GTF2H1: variants seen among roughly 807,000 people sequenced by gnomAD.
The protein encoded by GTF2H1 is BTF2 p62.
GTF2H1 carries 16 observed loss-of-function variants against 71.2 expected under a neutral mutation model. That is an observed-to-expected ratio of 0.22 (90% CI 0.15 to 0.34). GTF2H1 has a LOEUF of 0.34. Ranked by LOEUF, GTF2H1 falls within the 10% of genes least tolerant of loss-of-function variation. GTF2H1 has a pLI of 1.00. For synonymous variants in GTF2H1, 215 were observed against 219.0 expected (o/e 0.98, Z 0.16); for missense variants, 498 against 648.2 (o/e 0.77, Z 2.52).
At chr11:18,346,733 CT>C (rs35494754) in intron 7 of GTF2H1, among the ~76,000 whole-genome samples, 62 of 85,222 alleles carry the variant, frequency 7.3e-4, no homozygotes, top group African/African-American at 2.0e-3. Flanking sequence ...TTTTTATTTA[CT>C]TTTTTTTTTT....
intron 11 of GTF2H1, among the ~76,000 whole-genome samples, chr11:18,354,495 A>G (rs901322975): frequency 4.6e-5 from 7 of 151,330 alleles, no homozygotes; most frequent in Non-Finnish European, 3.0e-5. Flanking sequence ...GCAGTGGCAC[A>G]GTCATAGCTC....
intron 2 of GTF2H1, among the ~76,000 whole-genome samples, chr11:18,333,905 T>C (rs1864960885): frequency 6.6e-6 from 1 of 152,204 alleles, no homozygotes; most frequent in African/African-American, 2.4e-5. Flanking sequence ...TTGAGAAGAC[T>C]CAACCTTATA....
At position 18,351,152 on chromosome 11, in the gene GTF2H1, G is replaced by A. The variant is rs562207274; in HGVS notation, c.1054-729G>A. 3.0e-4 allele frequency among the ~76,000 whole-genome samples: 46 copies of A among 152,262 alleles called. No individual in the cohort carries two copies. In the South Asian group the frequency reaches 9.3e-3, roughly 31 times the overall value. ...AAGCAAAAATTAAGCCGGAAGCTGA[G>A]CATGGTAGCATGTGTCTGTAATCTC... On this transcript the variant is annotated intron_variant, in intron 9 of 14. Coordinates refer to ENST00000265963, the MANE Select transcript of GTF2H1 (RefSeq NM_005316.4).
At chr11:18,324,909 C>T (rs1181637528) in intron 1 of GTF2H1, among the ~76,000 whole-genome samples, 1 of 152,214 alleles carries the variant, frequency 6.6e-6, no homozygotes, top group Admixed American at 6.5e-5. Flanking sequence ...AGTGCTCAGT[C>T]CTAAAATTGC....
intron 9 of GTF2H1, among the ~76,000 whole-genome samples, chr11:18,349,698 AAG>A (rs1454939726): frequency 6.6e-6 from 1 of 151,688 alleles, no homozygotes; most frequent in African/African-American, 2.4e-5. Flanking sequence ...AAAAATAAAA[AAG>A]AAATTTATTT....
intron 13 of GTF2H1, 72 bp downstream of exon 13, chr11:18,358,712 T>TA: frequency 1.1e-6 from 1 of 875,590 alleles, no homozygotes; most frequent in Non-Finnish European, 1.9e-6. Flanking sequence ...ATTGGAAAGT[T>TA]TTATTGAGTC....
chr11:18,364,978 C>T (rs1338040523), intron 14 of GTF2H1, among the ~76,000 whole-genome samples: 4 of 151,652 alleles, frequency 2.6e-5, no homozygotes, highest in African/African-American at 7.3e-5. Context: ...GCCTGTAATC[C>T]CAGCACTTTG....
chr11:18,329,642 T>C (rs1864848345), intron 1 of GTF2H1, among the ~76,000 whole-genome samples: 1 of 152,210 alleles, frequency 6.6e-6, no homozygotes. Flanking sequence ...TCCAACCTCA[T>C]ATCCTACTGA....
At chr11:18,350,027 G>A (rs776061915) in intron 9 of GTF2H1, among the ~76,000 whole-genome samples, 18 of 152,198 alleles carry the variant, frequency 1.2e-4, no homozygotes, top group Non-Finnish European at 1.2e-4. Flanking sequence ...GAATCACTTT[G>A]ACACCATCAT....
At chr11:18,337,967 C>CTGA in intron 3 of GTF2H1, 142 bp from the exon 4 acceptor site, 2 of 561,466 alleles carry the variant, frequency 3.6e-6, no homozygotes, top group Non-Finnish European at 6.3e-6. Context: ...GAAAAGTGAA[C>CTGA]TGAAGGACCT....
At chr11:18,341,636 G>A in intron 7 of GTF2H1, 29 bp downstream of exon 7, 2 of 1,395,252 alleles carry the variant, frequency 1.4e-6, no homozygotes, top group Non-Finnish European at 2.0e-6. Context: ...AGTTTTGAGA[G>A]AAAAGAGTCT....
Position 18,366,823 on chromosome 11 carries a change from T to G in GTF2H1, c.*954T>G, listed in dbSNP as rs1181727292. 5.3e-5 allele frequency: 8 copies of G among 151,958 alleles called. No homozygotes were observed. 9.4% of individuals were successfully genotyped at this position (151,958 alleles called of 1,614,324 possible). The stretch of plus-strand genomic sequence containing the variant: ...AAAAGATGTTTCTCCTATCTCCTTT[T>G]CTCTAGTATTTGACTGTTACTGTCC... On this transcript the variant is annotated 3_prime_UTR_variant, in exon 15 of 15. Coordinates refer to ENST00000265963, the MANE Select transcript of GTF2H1 (RefSeq NM_005316.4).
At position 18,358,027 on chromosome 11, in the gene GTF2H1, C is replaced by T; in HGVS notation, c.1336C>T (p.Gln446Ter). ...PGGALMQGGT[Q>*]QAINQMVPND... is the part of the protein sequence containing the mutation. ...AGGGGCACTTATGCAGGGAGGAACA[C>T]AGCAAGCCATAAACCGTATGTGCCG... is the stretch of plus-strand genomic sequence containing the variant. The change falls in exon 12 of 15, where the codon CAG (glutamine) becomes TAG (stop). Residue 446 changes from glutamine to a stop codon, truncating the protein, a stop_gained. Coordinates refer to ENST00000265963, the MANE Select transcript of GTF2H1 (RefSeq NM_005316.4). LOFTEE classifies it high-confidence loss of function. 6.2e-7 allele frequency: 1 copy of T among 1,611,094 alleles called. No homozygotes were observed. Among genetic ancestry groups the T allele is most frequent in the Non-Finnish European group, 8.5e-7 (1 of 1,177,418 alleles).
rs751353602 is a variant in GTF2H1 at position 18,347,926 on chromosome 11, G to A, written c.1053+7G>A. The A allele has an allele frequency of 6.3e-7, 1 of 1,595,994 alleles. No individual in the cohort carries two copies. The highest frequency in any genetic ancestry group is 1.1e-5 in the South Asian group (1 of 90,652). On this transcript the variant is annotated splice_region_variant and intron_variant, in intron 9 of 14. Transcript: ENST00000265963. ...TCAGCCAGCAGTCAAAAGGGTATGG[G>A]CAAAAAAATATGAACCATTTGGGGC...
At chr11:18,341,718 T>C in intron 7 of GTF2H1, 111 bp downstream of exon 7, 1 of 647,382 alleles carries the variant, frequency 1.5e-6, no homozygotes, top group Non-Finnish European at 2.7e-6. Flanking sequence ...ATAAGCAAAA[T>C]ACTGTTACTT....
chr11:18,328,693 G>A (rs549127199), intron 1 of GTF2H1, among the ~76,000 whole-genome samples: 1 of 151,440 alleles, frequency 6.6e-6, no homozygotes, highest in East Asian at 2.0e-4. Context: ...AGGCATGGTG[G>A]CACATGCCTG....
chr11:18,352,947 C>T (rs966541115), intron 11 of GTF2H1, among the ~76,000 whole-genome samples: 6 of 152,312 alleles, frequency 3.9e-5, no homozygotes, highest in African/African-American at 1.2e-4. Context: ...TTATTTTGGC[C>T]GGGCACAGTG....
intron 14 of GTF2H1, among the ~76,000 whole-genome samples, chr11:18,362,828 G>A (rs1195692810): frequency 6.6e-6 from 1 of 151,270 alleles, no homozygotes; most frequent in African/African-American, 2.4e-5. Flanking sequence ...CCACCACCAC[G>A]CCCAGCTAAT....
intron 7 of GTF2H1, among the ~76,000 whole-genome samples, chr11:18,346,170 T>C (rs577530464): frequency 6.6e-6 from 1 of 152,314 alleles, no homozygotes; most frequent in African/African-American, 2.4e-5. Context: ...TTGAACCATA[T>C]ACAGTCTCAT....
Sources: allele counts gnomAD v4.1 joint callset (sites outside exome capture counted in the v4.1 genomes callset), GRCh38; gene constraint gnomAD v4.1.1; transcripts MANE v1.5; gene names NCBI Gene and HGNC (gene_info 2026-07-23, HGNC 2026-07-21).